Variants in DENND3 observed in about 807,000 individuals in gnomAD.
DENND3 encodes DENN domain-containing protein 3.
In DENND3, 88 loss-of-function variants were observed where a neutral mutation model predicts 135.1. The ratio of observed to expected loss-of-function variants is 0.65; its 90% CI spans 0.55 to 0.78. DENND3 has a LOEUF of 0.78. Ranked by LOEUF, DENND3 falls within the 30% of genes least tolerant of loss-of-function variation. DENND3 has a pLI of 0.00. For synonymous variants in DENND3, 693 were observed against 712.3 expected (o/e 0.97, Z 0.43); for missense variants, 1,392 against 1,688.4 (o/e 0.82, Z 3.08).
In DENND3 at chr8:141,138,053, G is replaced by A. The variant is rs761600402; in HGVS notation, c.417G>A (p.Glu139=). 2.5e-6 allele frequency: 4 copies of A among 1,608,386 alleles called. No individual in the cohort carries two copies. The Admixed American group carries it at 6.7e-5, about 27-fold the overall frequency. ...GGVCVATEPK[E]DCVHFLVLTD... ...TGTGCGTGGCCACTGAACCTAAGGA[G>A]GATTGCGTCCACTTCCTGGTGCTGA... Residue 139 remains glutamate, a synonymous_variant, in exon 3 of 23, where the codon GAG becomes GAA. Coordinates refer to ENST00000519811, the MANE Select transcript of DENND3 (RefSeq NM_001352890.3). The surrounding 1 kb of genome is among the most constrained non-coding windows in gnomAD (Gnocchi z 4.8).
intron 19 of DENND3, among the ~76,000 whole-genome samples, chr8:141,189,522 C>T (rs1824405671): frequency 6.6e-6 from 1 of 152,230 alleles, no homozygotes; most frequent in Non-Finnish European, 1.5e-5. Flanking sequence ...CCTTGGGCTG[C>T]CTGTTCGCTG....
rs181597142 is a variant in DENND3, at chr8:141,141,778, C to T, written c.623+454C>T. 1,114 of 206,710 alleles carry T rather than the reference C, an allele frequency of 5.4e-3. 13 individuals are homozygous for T. The highest frequency in any genetic ancestry group is 8.3e-3 in the Non-Finnish European group (829 of 99,574). 12.8% of individuals were successfully genotyped at this position (206,710 alleles called of 1,614,324 possible). A position where few individuals can be genotyped will look rare whatever the true frequency, so the allele number is the denominator to read the frequency against. ...ATGACCTTGGCTGGGTGTGGTGGCT[C>T]ACACCTGTAATCCCAGCATATTGGG... On this transcript the variant is annotated intron_variant, in intron 4 of 22. Coordinates refer to ENST00000519811, the MANE Select transcript of DENND3 (RefSeq NM_001352890.3). This position sits in a 1 kb window ranked among gnomAD's most constrained non-coding sequence, Gnocchi z 5.3.
chr8:141,132,561 T>C (rs773554089), intron 1 of DENND3, among the ~76,000 whole-genome samples: 31 of 152,200 alleles, frequency 2.0e-4, no homozygotes, highest in Non-Finnish European at 4.1e-4. Context: ...TTCTCCATGT[T>C]GATCAGGCTA....
At chr8:141,163,907 C>CAA (rs1157176340) in intron 10 of DENND3, among the ~76,000 whole-genome samples, 12 of 55,826 alleles carry the variant, frequency 2.1e-4, no homozygotes, top group East Asian at 1.2e-3. Context: ...GACTCCGTCT[C>CAA]AAAAAAAAAA....
At chr8:141,135,503 C>T (rs951491136) in intron 1 of DENND3, among the ~76,000 whole-genome samples, 1 of 152,148 alleles carries the variant, frequency 6.6e-6, no homozygotes, top group Non-Finnish European at 1.5e-5. Flanking sequence ...TGCCTTTGGC[C>T]ACCTCCTGTC....
At chr8:141,178,224 T>C (rs778028126) in intron 16 of DENND3, 28 bp downstream of exon 16, 1 of 1,594,670 alleles carries the variant, frequency 6.3e-7, no homozygotes, top group Non-Finnish European at 8.6e-7. Context: ...TTAGCGTGGA[T>C]CATTGTCCTG....
At chr8:141,156,137 T>C (rs971934836) in intron 8 of DENND3, among the ~76,000 whole-genome samples, 167 bp downstream of exon 8, 1 of 152,220 alleles carries the variant, frequency 6.6e-6, no homozygotes, top group Non-Finnish European at 1.5e-5. Context: ...CTCACTCTTG[T>C]TGTTCAGGCT....
In DENND3 at chr8:141,150,903, C is replaced by A; in HGVS notation, c.805C>A (p.Leu269Met). 2 of 1,609,982 alleles carry A rather than the reference C, an allele frequency of 1.2e-6. No individual in the cohort carries two copies. Among genetic ancestry groups the A allele is most frequent in the Non-Finnish European group, 1.7e-6 (2 of 1,179,004 alleles). Reference protein sequence around the residue: ...RADPESPILDLDLHLPLLCFR... With the variant: ...RADPESPILDMDLHLPLLCFR... ...AGACCCCGAAAGCCCCATCCTGGAC[C>A]TGGACCTTCACCTGCCCTTGCTGTG... Residue 269 changes from leucine to methionine, a missense_variant, in exon 6 of 23, where the codon CTG becomes ATG. Leu to Met is a conservative substitution (Grantham distance 15). Coordinates refer to ENST00000519811, the MANE Select transcript of DENND3 (RefSeq NM_001352890.3).
At position 141,174,644 on chromosome 8, in the gene DENND3, G is replaced by A. The variant is rs755265106; in HGVS notation, c.2276-556G>A. ...GGGAAGGTTACTGCTTCTCATCAGCGGAGGTGATTTCAGTTGCAGACAACA... is the reference window on the plus strand; with the variant it reads ...GGGAAGGTTACTGCTTCTCATCAGCAGAGGTGATTTCAGTTGCAGACAACA... On this transcript the variant is annotated intron_variant, in intron 13 of 22. Transcript: ENST00000519811. This position sits in a 1 kb window ranked among gnomAD's most constrained non-coding sequence, Gnocchi z 4.6. Among the ~76,000 whole-genome samples, 5 of 152,178 alleles carry A rather than the reference G, an allele frequency of 3.3e-5. No homozygotes were observed. The highest frequency in any genetic ancestry group is 5.9e-5 in the Non-Finnish European group (4 of 68,032).
At position 141,166,740 on chromosome 8, in the gene DENND3, G is replaced by C. The variant is rs1483031329; in HGVS notation, c.1753+351G>C. ...GTGATAGGAGGCAGGGAGCGCACCA[G>C]GCACTTTCTAGAGCCGGAGCTGTGA... On this transcript the variant is annotated intron_variant, in intron 12 of 22. Transcript: ENST00000519811. This position sits in a 1 kb window ranked among gnomAD's most constrained non-coding sequence, Gnocchi z 4.3. 2.0e-5 allele frequency among the ~76,000 whole-genome samples: 3 copies of C among 152,208 alleles called. No homozygotes were observed. The highest frequency in any genetic ancestry group is 6.5e-5 in the Admixed American group (1 of 15,282).
At chr8:141,145,124 TCAC>T (rs1259029038) in intron 5 of DENND3, among the ~76,000 whole-genome samples, 1 of 152,136 alleles carries the variant, frequency 6.6e-6, no homozygotes, top group Non-Finnish European at 1.5e-5. Flanking sequence ...AAAGAGACAT[TCAC>T]CATCTCTTCT....
At chr8:141,179,131 G>C (rs943310624) in intron 16 of DENND3, among the ~76,000 whole-genome samples, 2 of 152,222 alleles carry the variant, frequency 1.3e-5, no homozygotes, top group African/African-American at 4.8e-5. Flanking sequence ...GTCACCAACT[G>C]CAGGACCTCT....
rs1232728934 is a variant in DENND3, at chr8:141,167,817, G to A, written c.1754-187G>A. On this transcript the variant is annotated intron_variant, in intron 12 of 22. Coordinates refer to ENST00000519811, the MANE Select transcript of DENND3 (RefSeq NM_001352890.3). This position sits in a 1 kb window ranked among gnomAD's most constrained non-coding sequence, Gnocchi z 4.1. The stretch of plus-strand genomic sequence containing the variant: ...CTATTCTCCTTGGGGTACCATGGAA[G>A]CAAAGTGAGGGTTCTCTCATGCCTC... Among the ~76,000 whole-genome samples, 1 of 152,160 alleles carries A rather than the reference G, an allele frequency of 6.6e-6. No individual in the cohort carries two copies. Among genetic ancestry groups the A allele is most frequent in the African/African-American group, 2.4e-5 (1 of 41,442 alleles).
rs1457732346 is a variant in DENND3 at position 141,145,826 on chromosome 8, TATATATATATATATATATATATATGTA to T, written c.735+1568_735+1594del. Among the ~76,000 whole-genome samples, 353 of 60,112 alleles carry T rather than the reference TATATATATATATATATATATATATGTA, an allele frequency of 5.9e-3. 11 individuals carry two copies. Among genetic ancestry groups the T allele is most frequent in the African/African-American group, 0.018 (272 of 15,008 alleles). The allele number at this position is 60,112 out of a possible 152,430, so 39.4% of individuals were successfully genotyped here. ...TATTATATATATATATATATATATA[TATATATATATATATATATATATATGTA>T]TTTTTTTTTTTTTGAGGCGGAGTCT... On this transcript the variant is annotated intron_variant, in intron 5 of 22. Coordinates refer to ENST00000519811, the MANE Select transcript of DENND3 (RefSeq NM_001352890.3).
Position 141,128,796 on chromosome 8 carries a change from G to A in DENND3, c.89G>A (p.Arg30Gln), listed in dbSNP as rs1455653499. 1.0e-5 allele frequency: 15 copies of A among 1,445,658 alleles called. No homozygotes were observed. The highest frequency in any genetic ancestry group is 4.4e-5 in the African/African-American group (3 of 67,914). 89.6% of individuals were successfully genotyped at this position (1,445,658 alleles called of 1,614,324 possible). A position where few individuals can be genotyped will look rare whatever the true frequency, so the allele number is the denominator to read the frequency against. The stretch of plus-strand genomic sequence containing the variant: ...CTGGGCGCCCCCCGGGACAGTCTCC[G>A]AAGTCTCGAGCAGGTGAGGGGCGGG... ...ALLGAPRDSL[R>Q]SLEQVAYKKG... The change falls in exon 1 of 23, where the codon CGA (arginine) becomes CAA (glutamine). Residue 30 changes from arginine (R) to glutamine (Q), a missense_variant. Arg to Gln is a conservative substitution (Grantham distance 43). Transcript: ENST00000519811. The surrounding 1 kb of genome is among the most constrained non-coding windows in gnomAD (Gnocchi z 4.5).
At position 141,180,146 on chromosome 8, in the gene DENND3, A is replaced by G. The variant is rs1479220907; in HGVS notation, c.2837-601A>G. On this transcript the variant is annotated intron_variant, in intron 16 of 22. Transcript: ENST00000519811. ...ACGGGGGGCGATGTTGCACCCCCTC[A>G]CTGCGGAGAGGCATTTTGACAGCAC... Among the ~76,000 whole-genome samples, 3 of 152,196 alleles carry G rather than the reference A, an allele frequency of 2.0e-5. No homozygotes were observed. The East Asian group carries it at 5.8e-4, about 29-fold the overall frequency.
intron 5 of DENND3, among the ~76,000 whole-genome samples, chr8:141,145,835 A>ATTTTT: frequency 3.3e-5 from 1 of 29,948 alleles, no homozygotes; most frequent in African/African-American, 3.3e-4. Context: ...ATATATATAT[A>ATTTTT]TATATATATA....
At position 141,146,497 on chromosome 8, in the gene DENND3, G is replaced by A. The variant is rs894489214; in HGVS notation, c.735+2238G>A. Among the ~76,000 whole-genome samples, 2 of 152,120 alleles carry A rather than the reference G, an allele frequency of 1.3e-5. No individual in the cohort carries two copies. Among genetic ancestry groups the A allele is most frequent in the Non-Finnish European group, 2.9e-5 (2 of 68,020 alleles). ...TTATTTTTTCCTTTAATAGACACCCGTCAAACGTCTCAAAATGTTTAGTAA... is the reference window on the plus strand; with the variant it reads ...TTATTTTTTCCTTTAATAGACACCCATCAAACGTCTCAAAATGTTTAGTAA... On this transcript the variant is annotated intron_variant, in intron 5 of 22. Coordinates refer to ENST00000519811, the MANE Select transcript of DENND3 (RefSeq NM_001352890.3). The surrounding 1 kb of genome is among the most constrained non-coding windows in gnomAD (Gnocchi z 4.3).
chr8:141,161,158 A>G (rs1177696996), intron 9 of DENND3, among the ~76,000 whole-genome samples: 1 of 152,204 alleles, frequency 6.6e-6, no homozygotes, highest in Non-Finnish European at 1.5e-5. Flanking sequence ...ATAAACCTGC[A>G]GGGAGCACCT....
Sources: gnomAD v4.1 joint callset for allele counts (sites outside exome capture counted in the v4.1 genomes callset) on GRCh38, gnomAD v4.1.1 for gene constraint, Gnocchi (gnomAD v3.1) non-coding constraint, MANE v1.5 for transcripts, NCBI Gene and HGNC (gene_info 2026-07-23, HGNC 2026-07-21) for gene names.